ABAT: variants seen among roughly 807,000 people sequenced by gnomAD.
ABAT encodes 4-aminobutyrate aminotransferase, mitochondrial.
In ABAT, 45 loss-of-function variants were observed where a neutral mutation model predicts 64.6. That is an observed-to-expected ratio of 0.70 (90% CI 0.55 to 0.89). ABAT has a LOEUF of 0.89. ABAT is among the 40% of genes least tolerant of loss of function. ABAT has a pLI of 0.00. For synonymous variants in ABAT, 297 were observed against 250.5 expected, an observed-to-expected ratio of 1.19 and a Z score of -1.75; for missense variants, 633 against 658.4, an observed-to-expected ratio of 0.96 and a Z score of 0.42.
intron 10 of ABAT, 39 bp from the exon 11 acceptor site, chr16:8,768,786 C>A (rs138128074): frequency 6.2e-7 from 1 of 1,613,672 alleles, no homozygotes; most frequent in African/African-American, 1.3e-5. Flanking sequence ...GCCTGCTTCC[C>A]CAAGCCAAGC....
intron 1 of ABAT, among the ~76,000 whole-genome samples, chr16:8,722,281 G>A (rs542525980): frequency 6.6e-6 from 1 of 152,262 alleles, no homozygotes; most frequent in South Asian, 2.1e-4. Context: ...AACTTGACGG[G>A]GGAAGATAGC....
chr16:8,707,937 C>G (rs1026953276), intron 1 of ABAT, among the ~76,000 whole-genome samples: 2 of 152,192 alleles, frequency 1.3e-5, no homozygotes, highest in African/African-American at 4.8e-5. Flanking sequence ...ATGAAATCAT[C>G]ACCACCATCC....
At chr16:8,729,663 T>C (rs1190715986) in intron 1 of ABAT, among the ~76,000 whole-genome samples, 1 of 151,698 alleles carries the variant, frequency 6.6e-6, no homozygotes, top group Non-Finnish European at 1.5e-5. Context: ...CTAAAAAATA[T>C]ATATATTTAA....
At chr16:8,745,101 G>C (rs2059292165) in intron 2 of ABAT, among the ~76,000 whole-genome samples, 1 of 151,946 alleles carries the variant, frequency 6.6e-6, no homozygotes, top group Non-Finnish European at 1.5e-5. Context: ...TCCCACCTCA[G>C]CCTCCCAAGT....
intron 1 of ABAT, among the ~76,000 whole-genome samples, chr16:8,695,915 A>G (rs1173974029): frequency 6.6e-6 from 1 of 152,164 alleles, no homozygotes; most frequent in Non-Finnish European, 1.5e-5. Flanking sequence ...ACCTGGGACT[A>G]TGAGGGATCT....
chr16:8,706,368 G>A (rs1458449749), intron 1 of ABAT, among the ~76,000 whole-genome samples: 3 of 142,482 alleles, frequency 2.1e-5, no homozygotes. Context: ...TTTTACCACT[G>A]CACTCCAGCC....
chr16:8,694,886 C>G lies in ABAT; in HGVS notation c.-42+20175C>G, dbSNP rs77574233. On this transcript the variant is annotated intron_variant, in intron 1 of 15. Transcript: ENST00000268251. ...GAGAAGGAAGGCAGGCCGCCGCATC[C>G]TAACACCTGAGTTCCGGTTTGGGAC... Among the ~76,000 whole-genome samples, 1,200 of 152,312 alleles carry G rather than the reference C, an allele frequency of 7.9e-3. 17 individuals carry two copies. Among genetic ancestry groups the G allele is most frequent in the African/African-American group, 0.028 (1,146 of 41,568 alleles).
At chr16:8,721,928 T>G (rs2058384183) in intron 1 of ABAT, among the ~76,000 whole-genome samples, 1 of 152,228 alleles carries the variant, frequency 6.6e-6, no homozygotes, top group Non-Finnish European at 1.5e-5. Flanking sequence ...GGTTTTGACT[T>G]GTTTTGACTG....
rs2059023170 is a variant in ABAT at position 8,738,000 on chromosome 16, G to GAAAGAAAGAAAGAAAGAAAGAAAGAAAA, written c.70+2207_70+2208insAAAGAAAGAAAAAAAGAAAGAAAGAAAG. Among the ~76,000 whole-genome samples the GAAAGAAAGAAAGAAAGAAAGAAAGAAAA allele has an allele frequency of 1.7e-5, 2 of 114,794 alleles. 1 individual carries two copies. Among genetic ancestry groups the GAAAGAAAGAAAGAAAGAAAGAAAGAAAA allele is most frequent in the Admixed American group, 1.8e-4 (2 of 11,152 alleles). The allele number at this position is 114,794 out of a possible 152,430, so 75.3% of individuals were successfully genotyped here. A position where few individuals can be genotyped will look rare whatever the true frequency, so the allele number is the denominator to read the frequency against. On this transcript the variant is annotated intron_variant, in intron 2 of 15. Coordinates refer to ENST00000268251, the MANE Select transcript of ABAT (RefSeq NM_020686.6). ...AGGAAGGAAGGAAGGAGGAAAGAAA[G>GAAAGAAAGAAAGAAAGAAAGAAAGAAAA]AAAGAAAGAAAGAAAGGAAAGAAAG... is the stretch of plus-strand genomic sequence containing the variant.
chr16:8,761,820 G>GAA (rs1191400132), intron 6 of ABAT, among the ~76,000 whole-genome samples: 3 of 152,158 alleles, frequency 2.0e-5, no homozygotes, highest in African/African-American at 7.2e-5. Flanking sequence ...AAAGTCCCAA[G>GAA]AAGGGGTTTA....
In ABAT at chr16:8,766,326, C is replaced by G. The variant is rs528852403; in HGVS notation, c.603+56C>G. 5.2e-5 allele frequency: 81 copies of G among 1,548,514 alleles called. No homozygotes were observed. In the African/African-American group the frequency reaches 1.0e-3, roughly 19 times the overall value. On this transcript the variant is annotated intron_variant, in intron 9 of 15. Coordinates refer to ENST00000268251, the MANE Select transcript of ABAT (RefSeq NM_020686.6). The stretch of plus-strand genomic sequence containing the variant: ...TCTGGGGAAGCTGCACAGCCTCTCC[C>G]GGGCTGTTGCTGGCTGGCTGGCACT...
At chr16:8,754,349 T>G (rs2059581338) in intron 5 of ABAT, among the ~76,000 whole-genome samples, 1 of 151,928 alleles carries the variant, frequency 6.6e-6, no homozygotes, top group Non-Finnish European at 1.5e-5. Context: ...AGTGAGACCA[T>G]GTCTCAAACA....
At chr16:8,730,932 CATTA>C (rs1367648669) in intron 1 of ABAT, among the ~76,000 whole-genome samples, 1 of 152,142 alleles carries the variant, frequency 6.6e-6, no homozygotes, top group Admixed American at 6.5e-5. Flanking sequence ...CCAAAGTACT[CATTA>C]ATTGTTTATT....
chr16:8,782,998 GA>G lies in ABAT; in HGVS notation c.*1571del, dbSNP rs1289085817. On this transcript the variant is annotated 3_prime_UTR_variant, in exon 16 of 16. Coordinates refer to ENST00000268251, the MANE Select transcript of ABAT (RefSeq NM_020686.6). The stretch of plus-strand genomic sequence containing the variant: ...CATCGACCTATTTTTGTTGAAGAAT[GA>G]AAGGCAATGACAAGTTTAACATATA... 6.6e-6 allele frequency: 1 copy of G among 151,888 alleles called. No individual in the cohort carries two copies. The highest frequency in any genetic ancestry group is 1.9e-4 in the East Asian group (1 of 5,172). The allele number at this position is 151,888 out of a possible 1,614,324, so 9.4% of individuals were successfully genotyped here. A position where few individuals can be genotyped will look rare whatever the true frequency, so the allele number is the denominator to read the frequency against.
At chr16:8,688,742 C>A (rs557443648) in intron 1 of ABAT, among the ~76,000 whole-genome samples, 3 of 152,272 alleles carry the variant, frequency 2.0e-5, no homozygotes, top group African/African-American at 4.8e-5. Context: ...CATGAGCCAC[C>A]AAGCCTGGTC....
chr16:8,725,576 T>C (rs1203606599), intron 1 of ABAT, among the ~76,000 whole-genome samples: 2 of 152,230 alleles, frequency 1.3e-5, no homozygotes, highest in Non-Finnish European at 2.9e-5. Context: ...CTGAATAATA[T>C]TTCGTTGTAA....
At chr16:8,692,767 G>C (rs2057613026) in intron 1 of ABAT, among the ~76,000 whole-genome samples, 1 of 152,186 alleles carries the variant, frequency 6.6e-6, no homozygotes, top group South Asian at 2.1e-4. Context: ...TTGTGCGGGG[G>C]TTCGGCTACC....
At chr16:8,759,368 A>AT (rs1555491214) in intron 6 of ABAT, among the ~76,000 whole-genome samples, 175 of 144,798 alleles carry the variant, frequency 1.2e-3, no homozygotes, top group Non-Finnish European at 1.9e-3. Flanking sequence ...CAGAGTAAAA[A>AT]ATTTTTTTTT....
intron 2 of ABAT, among the ~76,000 whole-genome samples, chr16:8,738,622 G>T (rs57866199): frequency 0.2 from 21,429 of 108,320 alleles, 2,614 homozygotes; most frequent in African/African-American, 0.3. Flanking sequence ...TTTTGTTTTT[G>T]TTTTTGTTTT....
Sources: gnomAD v4.1 joint callset for allele counts (sites outside exome capture counted in the v4.1 genomes callset) on GRCh38, gnomAD v4.1.1 for gene constraint, MANE v1.5 for transcripts, NCBI Gene and HGNC (gene_info 2026-07-23, HGNC 2026-07-21) for gene names.